PABIR3: variants seen among roughly 807,000 people sequenced by gnomAD.
PABIR3 encodes PABIR family member 3.
In PABIR3, 20 loss-of-function variants were observed where a neutral mutation model predicts 23.1. The observed-to-expected ratio is 0.86, with a 90% CI of 0.61 to 1.26. PABIR3 has a LOEUF of 1.26. PABIR3 is among the 50% of genes most tolerant of loss of function. The pLI is 0.00. For synonymous variants in PABIR3, 69 were observed against 68.5 expected (o/e 1.01, Z -0.04); for missense variants, 189 against 195.4 (o/e 0.97, Z 0.20).
chrX:134,810,280 A>G (rs1450508796), intron 2 of PABIR3: 4 of 753,001 alleles, frequency 5.3e-6, no homozygotes, highest in South Asian at 6.8e-5. Flanking sequence ...TTGTTCTGCA[A>G]AGGATTTTTT....
chrX:134,857,160 G>T (rs2082754565), downstream of PABIR3, among the ~76,000 whole-genome samples: 1 of 112,151 alleles, frequency 8.9e-6, no homozygotes, highest in South Asian at 3.7e-4. Flanking sequence ...TTAAACAATG[G>T]AAATTTATTG....
chrX:134,861,557 C>T, the PABIR3 span, among the ~76,000 whole-genome samples: 1 of 105,881 alleles, frequency 9.4e-6, no homozygotes, highest in African/African-American at 3.4e-5. Flanking sequence ...GCCTGTAGTC[C>T]CAGCTACTAG....
At chrX:134,815,965 G>T (rs1434217091) in intron 3 of PABIR3, among the ~76,000 whole-genome samples, 1 of 112,085 alleles carries the variant, frequency 8.9e-6, no homozygotes, top group Non-Finnish European at 1.9e-5. Flanking sequence ...ACAGGTGTGA[G>T]CCATTGAATC....
chrX:134,807,164 C>T (rs748807078), upstream of PABIR3: 2 of 780,228 alleles, frequency 2.6e-6, no homozygotes, highest in South Asian at 6.6e-5. Flanking sequence ...AGGCGTCGTC[C>T]GGCTGATAGC....
intron 4 of PABIR3, among the ~76,000 whole-genome samples, chrX:134,837,033 G>A (rs1199546881): frequency 2.7e-5 from 3 of 110,575 alleles, no homozygotes; most frequent in Admixed American, 9.7e-5. Context: ...AGAAGACTCC[G>A]TCTTTAAAAA....
intron 3 of PABIR3, among the ~76,000 whole-genome samples, chrX:134,828,978 G>A (rs1274690086): frequency 9.0e-6 from 1 of 111,550 alleles, no homozygotes; most frequent in African/African-American, 3.3e-5. Context: ...CTCTATTGAT[G>A]TTCTGCTCTG....
chrX:134,828,045 C>CTA (rs1487383716), intron 3 of PABIR3, among the ~76,000 whole-genome samples: 5,792 of 58,483 alleles, frequency 0.099, 262 homozygotes, highest in Non-Finnish European at 0.13. Flanking sequence ...CTCTCTCTCT[C>CTA]TCTATATATA....
intron 4 of PABIR3, among the ~76,000 whole-genome samples, chrX:134,832,494 C>G (rs1348247306): frequency 1.0e-5 from 1 of 99,484 alleles, no homozygotes; most frequent in African/African-American, 3.7e-5. Flanking sequence ...CTCTGCCTCC[C>G]AGGTTCAAGT....
rs924934037 is a variant in PABIR3 at position 134,807,726 on chromosome X, A to C, written c.110+18A>C. 1.7e-6 allele frequency: 2 copies of C among 1,152,228 alleles called. No homozygotes were observed. Among genetic ancestry groups the C allele is most frequent in the Non-Finnish European group, 2.3e-6 (2 of 859,551 alleles). 95.0% of individuals were successfully genotyped at this position (1,152,228 alleles called of 1,213,427 possible). ...GGACTTGGGTGAGCCGGGTTGAGAT[A>C]CTGGAGGAGGCAAGCGGTGGGGAGG... On this transcript the variant is annotated intron_variant, in intron 2 of 10. Transcript: ENST00000645433.
At chrX:134,823,373 G>T (rs768294161) in intron 3 of PABIR3, among the ~76,000 whole-genome samples, 30 of 111,650 alleles carry the variant, frequency 2.7e-4, no homozygotes, top group African/African-American at 9.4e-4. Context: ...TTTTTCATTA[G>T]ATTATAAACT....
chrX:134,853,499 T>TGCCCATCTTCC (rs1344663927), intron 10 of PABIR3, among the ~76,000 whole-genome samples: 2 of 112,242 alleles, frequency 1.8e-5, no homozygotes, highest in East Asian at 5.5e-4. Flanking sequence ...AGTCATCTTC[T>TGCCCATCTTCC]GCCCATCTTC....
chrX:134,822,771 C>A, intron 3 of PABIR3: 1 of 368,788 alleles, frequency 2.7e-6, no homozygotes, highest in Non-Finnish European at 3.5e-6. Flanking sequence ...TCTACTTGAG[C>A]GGGGAGGATG....
intron 4 of PABIR3, among the ~76,000 whole-genome samples, chrX:134,843,419 AAG>A (rs1491146997): frequency 9.2e-6 from 1 of 109,045 alleles, no homozygotes; most frequent in Non-Finnish European, 1.9e-5. Context: ...AAAAAAAAAA[AAG>A]GGGGTTCAAC....
chrX:134,806,564 C>G (rs886195905), upstream of PABIR3, among the ~76,000 whole-genome samples: 1 of 106,493 alleles, frequency 9.4e-6, no homozygotes, highest in Admixed American at 1.0e-4. Context: ...TGCAGTGAGC[C>G]GAGATCGCGG....
intron 4 of PABIR3, among the ~76,000 whole-genome samples, chrX:134,830,547 G>T (rs2081736316): frequency 9.2e-6 from 1 of 108,761 alleles, no homozygotes; most frequent in Non-Finnish European, 1.9e-5. Context: ...TGTCCAGGCT[G>T]GTCTTGAACT....
chrX:134,822,780 T>C (rs1270456768), intron 3 of PABIR3: 1 of 307,998 alleles, frequency 3.2e-6, no homozygotes, highest in Non-Finnish European at 4.3e-6. Flanking sequence ...GCGGGGAGGA[T>C]GTGAGGAGGG....
chrX:134,808,571 A>G (rs2080399020), intron 2 of PABIR3, among the ~76,000 whole-genome samples: 1 of 111,396 alleles, frequency 9.0e-6, no homozygotes, highest in African/African-American at 3.3e-5. Context: ...TAGTAGAGAC[A>G]GGGTTTCACC....
chrX:134,860,459 A>G, the PABIR3 span, among the ~76,000 whole-genome samples: 5 of 111,517 alleles, frequency 4.5e-5, no homozygotes, highest in Middle Eastern at 9.2e-3. Flanking sequence ...TAAATAATAT[A>G]CAAGGCTGTT....
intron 9 of PABIR3, among the ~76,000 whole-genome samples, chrX:134,850,193 G>A (rs1194803767): frequency 9.1e-6 from 1 of 110,317 alleles, no homozygotes; most frequent in Non-Finnish European, 1.9e-5. Flanking sequence ...GACTACAATG[G>A]GGAGGGGAAA....
Sources: allele counts gnomAD v4.1 joint callset (sites outside exome capture counted in the v4.1 genomes callset), GRCh38; gene constraint gnomAD v4.1.1; transcripts MANE v1.5; gene names NCBI Gene and HGNC (gene_info 2026-07-23, HGNC 2026-07-21).